Variants in BANK1 observed in about 807,000 individuals in gnomAD.
BANK1 encodes the protein B cell scaffold protein with ankyrin repeats 1.
A neutral mutation model predicts 94.5 loss-of-function variants in BANK1; 95 were observed. The observed-to-expected ratio is 1.00, with a 90% CI of 0.85 to 1.19. The LOEUF is 1.19. BANK1 is among the 50% of genes most tolerant of loss of function. The pLI, the probability that BANK1 is intolerant of heterozygous loss-of-function variation, is 0.00. For missense variants in BANK1, 987 were observed against 932.2 expected (o/e 1.06, Z -0.77); for synonymous variants, 334 against 308.4 (o/e 1.08, Z -0.87).
chr4:101,799,765 T>C (rs2148849763), intron 1 of BANK1, among the ~76,000 whole-genome samples: 1 of 152,112 alleles, frequency 6.6e-6, no homozygotes, highest in African/African-American at 2.4e-5. Context: ...TCCCAGCTAC[T>C]TGGGAGGCTG....
At chr4:101,874,911 CA>C (rs1467987331) in intron 5 of BANK1, among the ~76,000 whole-genome samples, 2 of 152,052 alleles carry the variant, frequency 1.3e-5, no homozygotes, top group Non-Finnish European at 2.9e-5. Context: ...TTGCTTTTTA[CA>C]GTGCTAATTG....
intron 7 of BANK1, among the ~76,000 whole-genome samples, chr4:101,926,657 C>T (rs1042374497): frequency 6.6e-6 from 1 of 151,392 alleles, no homozygotes; most frequent in Non-Finnish European, 1.5e-5. Context: ...AGTTTAAGGC[C>T]AGGAAGAAAT....
intron 12 of BANK1, 42 bp downstream of exon 12, chr4:102,060,431 T>C (rs1368562015): frequency 6.4e-7 from 1 of 1,559,542 alleles, no homozygotes; most frequent in African/African-American, 1.4e-5. Flanking sequence ...CCCTCACTTG[T>C]GGAGCCCCTA....
At position 101,829,872 on chromosome 4, in the gene BANK1, A is replaced by G. The variant is rs17031677; in HGVS notation, c.135A>G (p.Thr45=). The G allele has an allele frequency of 4.9e-3, 7,867 of 1,611,632 alleles. 365 individuals carry two copies. In the African/African-American group the frequency reaches 0.093, roughly 19 times the overall value. Residue 45 remains threonine, a synonymous_variant, in exon 2 of 17, where the codon ACA becomes ACG. Transcript: ENST00000322953. Reference sequence around the variant, plus strand: ...CTGAGGAATGGGCTCTGTACTTGACAGAAGTATTTTTACATGTTGTGAAAA... The same window carrying G: ...CTGAGGAATGGGCTCTGTACTTGACGGAAGTATTTTTACATGTTGTGAAAA... ...EDAEEWALYL[T]EVFLHVVKRE... is the part of the protein sequence containing the mutation.
intron 5 of BANK1, among the ~76,000 whole-genome samples, chr4:101,894,717 G>A (rs1560620876): frequency 6.6e-6 from 1 of 151,848 alleles, no homozygotes; most frequent in Non-Finnish European, 1.5e-5. Context: ...TATATCATGG[G>A]CAGTAGAACA....
chr4:102,055,688 G>A (rs1026517851), intron 11 of BANK1, among the ~76,000 whole-genome samples: 19 of 151,802 alleles, frequency 1.3e-4, no homozygotes, highest in African/African-American at 3.9e-4. Flanking sequence ...TTAGTTTGGC[G>A]ACATCATGAA....
chr4:101,798,916 G>A lies in BANK1; in HGVS notation c.70+7966G>A, dbSNP rs1364805696. On this transcript the variant is annotated intron_variant, in intron 1 of 16. Coordinates refer to ENST00000322953, the MANE Select transcript of BANK1 (RefSeq NM_017935.5). ...TTTTCTCCCATTCTGTAGGTTGCCTGTTCACTCTGATGGTAGTTTCTTTTG... is the reference window on the plus strand; with the variant it reads ...TTTTCTCCCATTCTGTAGGTTGCCTATTCACTCTGATGGTAGTTTCTTTTG... Among the ~76,000 whole-genome samples, 4 of 152,262 alleles carry A rather than the reference G, an allele frequency of 2.6e-5. No homozygotes were observed. In the East Asian group the frequency reaches 5.8e-4, roughly 22 times the overall value.
At position 101,830,109 on chromosome 4, in the gene BANK1, C is replaced by T. The variant is rs202048879; in HGVS notation, c.372C>T (p.Leu124=). ...LLCGVKSSDQ[L]YELLNISQSR... ...GTGGAGTGAAGAGTTCAGATCAGCTCTATGAATTACTAAATATCTCTCAAA... is the reference window on the plus strand; with the variant it reads ...GTGGAGTGAAGAGTTCAGATCAGCTTTATGAATTACTAAATATCTCTCAAA... Residue 124 remains leucine, a synonymous_variant, in exon 2 of 17, where the codon CTC becomes CTT. Coordinates refer to ENST00000322953, the MANE Select transcript of BANK1 (RefSeq NM_017935.5). The T allele has an allele frequency of 1.2e-6, 2 of 1,613,164 alleles. No homozygotes were observed. The highest frequency in any genetic ancestry group is 2.7e-5 in the African/African-American group (2 of 74,970).
At chr4:101,898,669 T>C (rs1251290461) in intron 6 of BANK1, among the ~76,000 whole-genome samples, 2 of 152,046 alleles carry the variant, frequency 1.3e-5, no homozygotes, top group African/African-American at 4.8e-5. Context: ...TGAAATGCTA[T>C]ATCAACCAAA....
chr4:102,043,775 T>C, intron 10 of BANK1, 64 bp from the exon 11 acceptor site: 1 of 1,072,862 alleles, frequency 9.3e-7, no homozygotes, highest in Non-Finnish European at 1.4e-6. Context: ...TCCTGGAGAC[T>C]TCTACAGTAT....
intron 1 of BANK1, among the ~76,000 whole-genome samples, chr4:101,804,026 GAAATATATAA>G (rs1725459939): frequency 1.2e-5 from 1 of 86,362 alleles, no homozygotes; most frequent in Non-Finnish European, 2.4e-5. Flanking sequence ...AAAAAAAAAA[GAAATATATAA>G]AAAAAAGAAA....
At chr4:101,794,357 T>C (rs1725086181) in intron 1 of BANK1, among the ~76,000 whole-genome samples, 2 of 152,106 alleles carry the variant, frequency 1.3e-5, no homozygotes, top group Non-Finnish European at 2.9e-5. Flanking sequence ...AATTACAATA[T>C]AAAATGAGGA....
intron 6 of BANK1, among the ~76,000 whole-genome samples, chr4:101,904,054 A>G (rs956969543): frequency 7.9e-5 from 12 of 152,210 alleles, no homozygotes; most frequent in Non-Finnish European, 1.6e-4. Flanking sequence ...AAATTATGGG[A>G]CTGTTTAACA....
chr4:102,050,330 G>A (rs528112557), intron 11 of BANK1, among the ~76,000 whole-genome samples: 6 of 152,244 alleles, frequency 3.9e-5, no homozygotes, highest in Non-Finnish European at 8.8e-5. Flanking sequence ...TGGGTAGGAG[G>A]AGCACATCCA....
At chr4:101,810,652 A>G (rs1027516693) in intron 1 of BANK1, among the ~76,000 whole-genome samples, 2 of 152,200 alleles carry the variant, frequency 1.3e-5, no homozygotes, top group Non-Finnish European at 2.9e-5. Context: ...TTTATTTACA[A>G]TCAGTGGTTT....
intron 7 of BANK1, among the ~76,000 whole-genome samples, chr4:101,973,283 A>T (rs1725014352): frequency 6.6e-6 from 1 of 151,806 alleles, no homozygotes; most frequent in South Asian, 2.1e-4. Context: ...TATATTATCT[A>T]TTTATAATTA....
intron 7 of BANK1, among the ~76,000 whole-genome samples, chr4:101,943,254 T>A (rs922646852): frequency 8.6e-5 from 13 of 152,018 alleles, no homozygotes; most frequent in African/African-American, 2.9e-4. Context: ...CTCAAGGCAA[T>A]GGAGAATATT....
chr4:101,823,848 T>C (rs1277738266), intron 1 of BANK1, among the ~76,000 whole-genome samples: 1 of 152,232 alleles, frequency 6.6e-6, no homozygotes, highest in Non-Finnish European at 1.5e-5. Flanking sequence ...TATGTGTTGG[T>C]ACCTTCCTGC....
chr4:102,069,651 C>T (rs1036418282), intron 13 of BANK1, among the ~76,000 whole-genome samples: 7 of 152,096 alleles, frequency 4.6e-5, no homozygotes, highest in Non-Finnish European at 7.4e-5. Flanking sequence ...CACAAAAGTT[C>T]GTGGCAGTTT....
Sources: gnomAD v4.1 joint callset for allele counts (sites outside exome capture counted in the v4.1 genomes callset) on GRCh38, gnomAD v4.1.1 for gene constraint, MANE v1.5 for transcripts, NCBI Gene and HGNC (gene_info 2026-07-23, HGNC 2026-07-21) for gene names.